The following TFEC variants were observed in gnomAD, a reference collection of about 807,000 sequenced individuals.
TFEC encodes the protein class E basic helix-loop-helix protein 34.
Under a neutral mutation model 41.6 loss-of-function variants are expected in TFEC, and 31 were observed. The observed-to-expected ratio is 0.74, with a 90% CI of 0.56 to 1.01. The LOEUF (loss-of-function observed/expected upper bound fraction) is 1.01. Ranked by LOEUF, TFEC falls within the 50% of genes least tolerant of loss-of-function variation. The probability of loss-of-function intolerance (pLI) is 0.00; values close to 1 mark genes in which losing one functional copy is unlikely to be tolerated. For synonymous variants in TFEC, 143 were observed against 140.6 expected, an observed-to-expected ratio of 1.02 and a Z score of -0.12; for missense variants, 402 against 404.1, an observed-to-expected ratio of 0.99 and a Z score of 0.04.
chr7:116,156,161 T>C (rs1018754140), intron 1 of TFEC, among the ~76,000 whole-genome samples: 1 of 152,166 alleles, frequency 6.6e-6, no homozygotes, highest in African/African-American at 2.4e-5. Context: ...GACACTTATG[T>C]CTACACTGCC....
chr7:116,001,786 C>T (rs1794606726), intron 1 of TFEC, among the ~76,000 whole-genome samples: 1 of 151,924 alleles, frequency 6.6e-6, no homozygotes, highest in Non-Finnish European at 1.5e-5. Flanking sequence ...ATAAGGAGCT[C>T]AAACACTCTA....
rs1463842241 is a variant in TFEC at position 115,937,781 on chromosome 7, T to G, written c.*2770A>C. ...TAACCGCACACCTAAGAGACCTGAT[T>G]CAGGAATTTTTCACTTGGGATCCAA... is the stretch of plus-strand genomic sequence containing the variant. On this transcript the variant is annotated 3_prime_UTR_variant, in exon 8 of 8. Coordinates refer to ENST00000265440, the MANE Select transcript of TFEC (RefSeq NM_012252.4). 6.6e-6 allele frequency: 1 copy of G among 151,714 alleles called. No homozygotes were observed. Among genetic ancestry groups the G allele is most frequent in the Non-Finnish European group, 1.5e-5 (1 of 67,776 alleles). 9.4% of individuals were successfully genotyped at this position (151,714 alleles called of 1,614,324 possible).
At chr7:116,026,134 G>T (rs950719161) in intron 1 of TFEC, among the ~76,000 whole-genome samples, 10 of 152,172 alleles carry the variant, frequency 6.6e-5, no homozygotes, top group African/African-American at 2.4e-4. Context: ...TTCATGGTCT[G>T]CCCCCACCTT....
chr7:116,092,169 T>A (rs1466735538), intron 3 of TFEC, among the ~76,000 whole-genome samples: 1 of 152,206 alleles, frequency 6.6e-6, no homozygotes, highest in East Asian at 1.9e-4. Flanking sequence ...TCAGATCTTA[T>A]CCCAGTGTCT....
chr7:116,044,336 T>C (rs1796111203), intron 3 of TFEC, among the ~76,000 whole-genome samples: 1 of 152,210 alleles, frequency 6.6e-6, no homozygotes, highest in Admixed American at 6.5e-5. Context: ...GTACAAAATG[T>C]ATTTGATGGG....
intron 3 of TFEC, among the ~76,000 whole-genome samples, chr7:115,962,916 T>C (rs1049533090): frequency 5.3e-5 from 8 of 151,926 alleles, no homozygotes; most frequent in Admixed American, 2.0e-4. Flanking sequence ...GGTTGTTACA[T>C]AGGTATACAT....
chr7:115,975,727 T>C (rs1043873794), intron 2 of TFEC, among the ~76,000 whole-genome samples: 8 of 152,108 alleles, frequency 5.3e-5, no homozygotes, highest in Admixed American at 1.3e-4. Context: ...ATGGTTGTTA[T>C]TTTATAAAGT....
chr7:115,983,204 T>C (rs910158103), intron 2 of TFEC, among the ~76,000 whole-genome samples: 1 of 152,170 alleles, frequency 6.6e-6, no homozygotes, highest in African/African-American at 2.4e-5. Flanking sequence ...ACTGTAAAGT[T>C]TGAGTAAATA....
intron 1 of TFEC, among the ~76,000 whole-genome samples, chr7:116,010,841 C>T (rs1456669960): frequency 6.6e-6 from 1 of 152,096 alleles, no homozygotes; most frequent in African/African-American, 2.4e-5. Context: ...GGTAAGTTAA[C>T]CTTAATTAAA....
chr7:116,089,790 C>A (rs1026417501), intron 3 of TFEC, among the ~76,000 whole-genome samples: 1 of 152,098 alleles, frequency 6.6e-6, no homozygotes, highest in Admixed American at 6.6e-5. Context: ...TGTTAATTAA[C>A]CACTAGCTAT....
At chr7:116,067,147 T>C (rs1796712951) in intron 3 of TFEC, among the ~76,000 whole-genome samples, 1 of 151,980 alleles carries the variant, frequency 6.6e-6, no homozygotes, top group South Asian at 2.1e-4. Flanking sequence ...ATCCCTGAGA[T>C]AAACCCTCTA....
chr7:115,996,176 T>C (rs1355444477), intron 1 of TFEC, among the ~76,000 whole-genome samples: 1 of 152,104 alleles, frequency 6.6e-6, no homozygotes, highest in African/African-American at 2.4e-5. Flanking sequence ...GGAAAGACTC[T>C]TTCCTTATGC....
chr7:116,111,000 T>A (rs1797842769), intron 2 of TFEC: 1 of 701,316 alleles, frequency 1.4e-6, no homozygotes. Context: ...TGAGACTACA[T>A]ACTATAAAAT....
At chr7:116,118,145 A>T (rs894748763) in intron 1 of TFEC, among the ~76,000 whole-genome samples, 1 of 151,658 alleles carries the variant, frequency 6.6e-6, no homozygotes, top group African/African-American at 2.4e-5. Context: ...GCCTGAAGCA[A>T]TTTTTTCAGT....
At chr7:116,127,691 CAAA>C (rs72053152) in intron 1 of TFEC, among the ~76,000 whole-genome samples, 23 of 105,074 alleles carry the variant, frequency 2.2e-4, no homozygotes, top group Admixed American at 3.1e-4. Context: ...GAGTCAGTGT[CAAA>C]AAAAAAAAAA....
chr7:116,126,020 C>T (rs1798202190), intron 1 of TFEC, among the ~76,000 whole-genome samples: 1 of 152,098 alleles, frequency 6.6e-6, no homozygotes, highest in Non-Finnish European at 1.5e-5. Context: ...GAAAATGTGA[C>T]TAGGATCAGC....
At chr7:115,956,628 CTT>C (rs1306658913) in intron 4 of TFEC, 49 bp downstream of exon 4, 4 of 1,360,788 alleles carry the variant, frequency 2.9e-6, no homozygotes, top group South Asian at 1.3e-5. Flanking sequence ...TCACTCATAA[CTT>C]ATGTCATTAA....
At chr7:116,114,455 T>C (rs1163424748) in intron 1 of TFEC, among the ~76,000 whole-genome samples, 3 of 151,988 alleles carry the variant, frequency 2.0e-5, no homozygotes, top group African/African-American at 7.2e-5. Context: ...CGTAAGCCCA[T>C]GACAATTTGC....
At chr7:116,145,258 A>G (rs1798619151) in intron 1 of TFEC, among the ~76,000 whole-genome samples, 1 of 152,294 alleles carries the variant, frequency 6.6e-6, no homozygotes, top group East Asian at 1.9e-4. Context: ...CTTACTAATA[A>G]TAAAATTCAT....
Sources: gnomAD v4.1 joint callset for allele counts (sites outside exome capture counted in the v4.1 genomes callset) on GRCh38, gnomAD v4.1.1 for gene constraint, MANE v1.5 for transcripts, NCBI Gene and HGNC (gene_info 2026-07-23, HGNC 2026-07-21) for gene names.